TSPAN5: variants seen among roughly 807,000 people sequenced by gnomAD.
TSPAN5 encodes tetraspanin 5, also known as tetraspanin-5.
Under a neutral mutation model 37.1 loss-of-function variants are expected in TSPAN5, and 10 were observed. The ratio of observed to expected loss-of-function variants is 0.27; its 90% CI spans 0.17 to 0.46. The LOEUF (loss-of-function observed/expected upper bound fraction) is 0.46, where lower values mean the gene tolerates loss of function less well. Among genes scored for constraint, TSPAN5 ranks in the 20% least tolerant of loss-of-function variants. The probability of loss-of-function intolerance (pLI) is 1.00; values close to 1 mark genes in which losing one functional copy is unlikely to be tolerated. For missense variants in TSPAN5, 195 were observed against 326.6 expected (o/e 0.60, Z 3.11); for synonymous variants, 110 against 118.9 (o/e 0.93, Z 0.48).
At chr4:98,658,040 A>G in intron 1 of TSPAN5, 106 bp downstream of exon 1, 1 of 999,820 alleles carries the variant, frequency 1.0e-6, no homozygotes, top group South Asian at 1.3e-5. Context: ...CTGCTCCGGC[A>G]AGCGCCTGCG....
At chr4:98,655,977 T>C (rs1757286880) in intron 1 of TSPAN5, among the ~76,000 whole-genome samples, 2 of 152,118 alleles carry the variant, frequency 1.3e-5, no homozygotes, top group Admixed American at 6.5e-5. Context: ...GCAGGGTAAG[T>C]GAAGGGCCCT....
At chr4:98,484,915 C>G (rs956933057) in intron 3 of TSPAN5, 2 of 195,772 alleles carry the variant, frequency 1.0e-5, no homozygotes, top group Admixed American at 1.1e-4. Flanking sequence ...GAGTTTGAGA[C>G]CAGCCTGGCC....
At chr4:98,569,537 G>A (rs1755075135) in intron 1 of TSPAN5, among the ~76,000 whole-genome samples, 1 of 152,194 alleles carries the variant, frequency 6.6e-6, no homozygotes, top group Non-Finnish European at 1.5e-5. Flanking sequence ...GGGTGCTCGT[G>A]TCAGCAAGCT....
At chr4:98,654,938 C>A (rs1757265088) in intron 1 of TSPAN5, among the ~76,000 whole-genome samples, 1 of 152,172 alleles carries the variant, frequency 6.6e-6, no homozygotes, top group Admixed American at 6.5e-5. Flanking sequence ...TCTCCACCTC[C>A]CGGGTTCAAG....
intron 1 of TSPAN5, among the ~76,000 whole-genome samples, chr4:98,622,143 G>A (rs755799924): frequency 1.1e-4 from 16 of 152,120 alleles, no homozygotes; most frequent in African/African-American, 2.7e-4. Flanking sequence ...GCAGTGGCAC[G>A]ATCTTGGCTC....
chr4:98,528,103 G>A (rs562284650), intron 1 of TSPAN5, among the ~76,000 whole-genome samples: 6 of 152,248 alleles, frequency 3.9e-5, no homozygotes, highest in Admixed American at 3.3e-4. Context: ...TCCGGCATAT[G>A]AGCTGGATAG....
At chr4:98,504,367 C>G (rs1156814645) in intron 2 of TSPAN5, among the ~76,000 whole-genome samples, 4 of 152,178 alleles carry the variant, frequency 2.6e-5, no homozygotes, top group Non-Finnish European at 5.9e-5. Context: ...CAGCAGAGGC[C>G]TGGCCGAACT....
intron 1 of TSPAN5, among the ~76,000 whole-genome samples, chr4:98,635,601 T>C (rs1346682372): frequency 6.6e-6 from 1 of 152,094 alleles, no homozygotes; most frequent in Non-Finnish European, 1.5e-5. Context: ...GACAAACAAT[T>C]TGCTGTGAAT....
chr4:98,562,605 G>GGT (rs1754906129), intron 1 of TSPAN5, among the ~76,000 whole-genome samples: 1 of 152,140 alleles, frequency 6.6e-6, no homozygotes, highest in South Asian at 2.1e-4. Context: ...AGGTTGCAGA[G>GGT]AGCCGAGATC....
chr4:98,548,652 T>A (rs80137673), intron 1 of TSPAN5, among the ~76,000 whole-genome samples: 8,516 of 152,158 alleles, frequency 0.056, 497 homozygotes, highest in Admixed American at 0.13. Context: ...CAATCATAAT[T>A]TTTCAACCCT....
At chr4:98,584,070 T>C (rs968088203) in intron 1 of TSPAN5, among the ~76,000 whole-genome samples, 3 of 152,252 alleles carry the variant, frequency 2.0e-5, no homozygotes, top group Non-Finnish European at 2.9e-5. Context: ...GAGCTTGTTT[T>C]GAGGAAAATA....
Position 98,628,943 on chromosome 4 carries a change from C to T in TSPAN5, c.81+29203G>A, listed in dbSNP as rs192062884. 1.7e-3 allele frequency among the ~76,000 whole-genome samples: 253 copies of T among 152,304 alleles called. 1 individual carries two copies. The Middle Eastern group carries it at 0.034, about 20-fold the overall frequency. On this transcript the variant is annotated intron_variant, in intron 1 of 7. Transcript: ENST00000305798. ...AAGCATCCCTGGCAAAAGGCAACAT[C>T]TATAATCTTTAACTGAAAACACTTT...
At chr4:98,544,984 C>T (rs1560531073) in intron 1 of TSPAN5, among the ~76,000 whole-genome samples, 1 of 152,176 alleles carries the variant, frequency 6.6e-6, no homozygotes, top group Non-Finnish European at 1.5e-5. Context: ...GACCTTGTGG[C>T]TTGAACAGGG....
At chr4:98,515,709 A>G (rs1488342481) in intron 1 of TSPAN5, among the ~76,000 whole-genome samples, 1 of 152,034 alleles carries the variant, frequency 6.6e-6, no homozygotes, top group African/African-American at 2.4e-5. Flanking sequence ...AAGTGGCAGC[A>G]TCCGGCCTCC....
rs1487097304 is a variant in TSPAN5, at chr4:98,470,372, T to C, written c.*2150A>G. 2.0e-5 allele frequency: 3 copies of C among 152,206 alleles called. No homozygotes were observed. The highest frequency in any genetic ancestry group is 6.5e-5 in the Admixed American group (1 of 15,284). The allele number at this position is 152,206 out of a possible 1,614,324, so 9.4% of individuals were successfully genotyped here. A position where few individuals can be genotyped will look rare whatever the true frequency, so the allele number is the denominator to read the frequency against. On this transcript the variant is annotated 3_prime_UTR_variant, in exon 8 of 8. Transcript: ENST00000305798. ...ATGAAGAAAGACACACCATGTAAGGTAGAACCAAGTTTATTAATGACAGCC... is the reference window on the plus strand; with the variant it reads ...ATGAAGAAAGACACACCATGTAAGGCAGAACCAAGTTTATTAATGACAGCC...
chr4:98,509,646 T>C lies in TSPAN5; in HGVS notation c.82-1918A>G, dbSNP rs558686014. Among the ~76,000 whole-genome samples, 4 of 152,344 alleles carry C rather than the reference T, an allele frequency of 2.6e-5. No individual in the cohort carries two copies. The East Asian group carries it at 7.7e-4, about 29-fold the overall frequency. On this transcript the variant is annotated intron_variant, in intron 1 of 7. Transcript: ENST00000305798. ...TGTTCAGAAAGATTTCTCGTTTTACTATCCCAACTGAAAAACCGTGCTCAG... is the reference window on the plus strand; with the variant it reads ...TGTTCAGAAAGATTTCTCGTTTTACCATCCCAACTGAAAAACCGTGCTCAG...
At chr4:98,485,115 A>T (rs1294437686) in intron 3 of TSPAN5, 2 of 12,932 alleles carry the variant, frequency 1.5e-4, no homozygotes, top group Non-Finnish European at 3.1e-4. Flanking sequence ...CTCCATCTAA[A>T]AAAAAAAAAA....
At chr4:98,507,607 G>A (rs1753506879) in intron 2 of TSPAN5, 71 bp downstream of exon 2, 3 of 1,149,242 alleles carry the variant, frequency 2.6e-6, no homozygotes, top group African/African-American at 1.6e-5. Context: ...AAGAGAAAGG[G>A]GGATAATACA....
At chr4:98,546,302 G>A (rs1754468197) in intron 1 of TSPAN5, among the ~76,000 whole-genome samples, 1 of 152,098 alleles carries the variant, frequency 6.6e-6, no homozygotes, top group African/African-American at 2.4e-5. Context: ...TGGTTCTGCT[G>A]TACCACATAA....
Sources: gnomAD v4.1 joint callset for allele counts (sites outside exome capture counted in the v4.1 genomes callset) on GRCh38, gnomAD v4.1.1 for gene constraint, MANE v1.5 for transcripts, NCBI Gene and HGNC (gene_info 2026-07-23, HGNC 2026-07-21) for gene names.